Variants in GPATCH2L observed in about 807,000 individuals in gnomAD.
GPATCH2L encodes G-patch domain containing 2 like, also known as G patch domain-containing protein 2-like.
A neutral mutation model predicts 57.4 loss-of-function variants in GPATCH2L; 31 were observed. That is an observed-to-expected ratio of 0.54 (90% CI 0.41 to 0.73). The LOEUF (loss-of-function observed/expected upper bound fraction) is 0.73. Ranked by LOEUF, GPATCH2L falls within the 30% of genes least tolerant of loss-of-function variation. The probability of loss-of-function intolerance (pLI) is 0.00; values close to 1 mark genes in which losing one functional copy is unlikely to be tolerated. For missense variants in GPATCH2L, 481 were observed against 599.9 expected (o/e 0.80, Z 2.07); for synonymous variants, 199 against 210.7 (o/e 0.94, Z 0.48).
intron 1 of GPATCH2L, among the ~76,000 whole-genome samples, chr14:76,224,438 A>G (rs1181851598): frequency 6.6e-6 from 1 of 152,178 alleles, no homozygotes; most frequent in African/African-American, 2.4e-5. Context: ...TTAGCATCGT[A>G]AGGCAGAAAA....
At chr14:76,152,599 G>C in intron 1 of GPATCH2L, 1 of 451,198 alleles carries the variant, frequency 2.2e-6, no homozygotes, top group Non-Finnish European at 4.5e-6. Flanking sequence ...CTGGCCGCCG[G>C]GTCCTCTCGA....
intron 1 of GPATCH2L, among the ~76,000 whole-genome samples, chr14:76,219,580 C>T (rs539845739): frequency 7.2e-5 from 11 of 152,142 alleles, no homozygotes; most frequent in African/African-American, 1.7e-4. Context: ...TGTGAAATAA[C>T]GTATGTCAAC....
At chr14:76,224,378 C>G (rs2040527783) in intron 1 of GPATCH2L, among the ~76,000 whole-genome samples, 1 of 152,102 alleles carries the variant, frequency 6.6e-6, no homozygotes, top group African/African-American at 2.4e-5. Flanking sequence ...TGATGACTTT[C>G]AAGATATACG....
chr14:76,189,886 G>GT (rs2039901574), intron 8 of GPATCH2L, among the ~76,000 whole-genome samples: 1 of 151,976 alleles, frequency 6.6e-6, no homozygotes, highest in Non-Finnish European at 1.5e-5. Flanking sequence ...TCTATACCCA[G>GT]TTTTTTGAGG....
intron 8 of GPATCH2L, 80 bp from the exon 9 acceptor site, chr14:76,195,798 G>A: frequency 9.5e-7 from 1 of 1,055,078 alleles, no homozygotes; most frequent in Non-Finnish European, 1.5e-6. Flanking sequence ...ATAGGTTAAG[G>A]ATTTAATCTG....
intron 1 of GPATCH2L, among the ~76,000 whole-genome samples, chr14:76,219,348 A>G (rs1001248356): frequency 1.3e-5 from 2 of 152,234 alleles, no homozygotes; most frequent in Non-Finnish European, 2.9e-5. Context: ...GAAGCATACG[A>G]AAATGCTTAA....
At position 76,180,782 on chromosome 14, in the gene GPATCH2L, C is replaced by G. The variant is rs141971118; in HGVS notation, c.1126C>G (p.Leu376Val). The G allele has an allele frequency of 7.7e-5, 124 of 1,612,022 alleles. No homozygotes were observed. The highest frequency in any genetic ancestry group is 1.0e-4 in the Non-Finnish European group (121 of 1,178,180). ...CAHEFNPLSP[L>V]YSLDVLADAS... ...CCTGCAGTTCAATCCCCTGTCTCCC[C>G]TTTACTCCCTGGATGTTCTTGCCGA... is the stretch of plus-strand genomic sequence containing the variant. Residue 376 changes from leucine to valine, a missense_variant, in exon 8 of 10, where the codon CTT becomes GTT. Around this residue, in one of 3 missense-constraint regions of GPATCH2L, gnomAD observed 248 missense variants for 270.5 expected, o/e 0.92. Transcript: ENST00000261530.
chr14:76,182,282 G>A lies in GPATCH2L; in HGVS notation c.1193+1433G>A, dbSNP rs1033299796. Among the ~76,000 whole-genome samples, 4 of 151,190 alleles carry A rather than the reference G, an allele frequency of 2.6e-5. No individual in the cohort carries two copies. In the East Asian group the frequency reaches 5.9e-4, roughly 22 times the overall value. ...TGAGGCAGGAGAATGGCGTGAACCC[G>A]GGAGGCGGAGCTTGCAGTGAGCTGA... On this transcript the variant is annotated intron_variant, in intron 8 of 9. Transcript: ENST00000261530.
chr14:76,163,273 ATAAT>A (rs2038682224), intron 2 of GPATCH2L, among the ~76,000 whole-genome samples: 1 of 152,230 alleles, frequency 6.6e-6, no homozygotes. Flanking sequence ...AAGCAGCATA[ATAAT>A]TAATATAAAG....
At chr14:76,227,293 G>A (rs753069374) in intron 1 of GPATCH2L, among the ~76,000 whole-genome samples, 6 of 152,038 alleles carry the variant, frequency 3.9e-5, no homozygotes, top group African/African-American at 7.2e-5. Flanking sequence ...CCTCCTACAC[G>A]ATATCACTGG....
chr14:76,163,155 C>G lies in GPATCH2L; in HGVS notation c.663-3508C>G, dbSNP rs1023399139. On this transcript the variant is annotated intron_variant, in intron 2 of 9. Coordinates refer to ENST00000261530, the MANE Select transcript of GPATCH2L (RefSeq NM_017926.4). Reference sequence around the variant, plus strand: ...GCTTTAGGCATACACTACCCTGGCTCTGATGCTTACTTGCTGTGTGATCTT... The same window carrying G: ...GCTTTAGGCATACACTACCCTGGCTGTGATGCTTACTTGCTGTGTGATCTT... 8.5e-5 allele frequency among the ~76,000 whole-genome samples: 13 copies of G among 152,330 alleles called. 1 individual carries two copies. The East Asian group carries it at 2.5e-3, about 29-fold the overall frequency.
intron 1 of GPATCH2L, among the ~76,000 whole-genome samples, chr14:76,226,788 C>G (rs1447018775): frequency 1.3e-5 from 2 of 152,222 alleles, no homozygotes; most frequent in Non-Finnish European, 2.9e-5. Flanking sequence ...AAGTAAATCT[C>G]TCTTCTTTGT....
At chr14:76,221,145 AGAACTCTT>A (rs2040513367) in intron 1 of GPATCH2L, among the ~76,000 whole-genome samples, 1 of 152,018 alleles carries the variant, frequency 6.6e-6, no homozygotes, top group Non-Finnish European at 1.5e-5. Context: ...AACTGTAAAA[AGAACTCTT>A]AAAACTCAGC....
rs964567761 is a variant in GPATCH2L at position 76,206,679 on chromosome 14, G to T, written c.*4828G>T. 2 of 152,382 alleles carry T rather than the reference G, an allele frequency of 1.3e-5. No homozygotes were observed. The highest frequency in any genetic ancestry group is 2.4e-5 in the African/African-American group (1 of 41,426). 9.4% of individuals were successfully genotyped at this position (152,382 alleles called of 1,614,324 possible). A position where few individuals can be genotyped will look rare whatever the true frequency, so the allele number is the denominator to read the frequency against. On this transcript the variant is annotated 3_prime_UTR_variant, in exon 10 of 10. Transcript: ENST00000261530. ...TAGGCCAACAGCATCAGCACATCTTGCCCTCACCAGACCTACTGAATCCGA... is the reference window on the plus strand; with the variant it reads ...TAGGCCAACAGCATCAGCACATCTTTCCCTCACCAGACCTACTGAATCCGA...
rs548161558 is a variant in GPATCH2L, at chr14:76,233,019, C to G, written c.*117+3066C>G. ...AGGCACTCTTACCAGGCAGGACATC[C>G]CAAGGTCCAAAAGCTCACCTTCCTG... On this transcript the variant is annotated intron_variant and NMD_transcript_variant, in intron 2 of 3. Coordinates refer to the GPATCH2L transcript ENST00000556372. Among the ~76,000 whole-genome samples the G allele has an allele frequency of 4.5e-4, 68 of 152,320 alleles. 2 individuals are homozygous for G. In the South Asian group the frequency reaches 0.013, roughly 30 times the overall value.
intron 9 of GPATCH2L, among the ~76,000 whole-genome samples, chr14:76,200,211 T>C (rs934854372): frequency 6.6e-6 from 1 of 152,202 alleles, no homozygotes; most frequent in Non-Finnish European, 1.5e-5. Flanking sequence ...GTACAGAGTT[T>C]CCATTTGAGA....
intron 9 of GPATCH2L, among the ~76,000 whole-genome samples, chr14:76,197,856 T>C (rs1374443299): frequency 1.3e-5 from 2 of 152,168 alleles, no homozygotes; most frequent in Admixed American, 1.3e-4. Flanking sequence ...AAAGAATAAA[T>C]AGCTCAGATC....
chr14:76,163,139 A>G lies in GPATCH2L; in HGVS notation c.663-3524A>G, dbSNP rs529636480. 2.0e-5 allele frequency among the ~76,000 whole-genome samples: 3 copies of G among 152,312 alleles called. 1 individual carries two copies. Among genetic ancestry groups the G allele is most frequent in the East Asian group, 3.9e-4 (2 of 5,186 alleles). On this transcript the variant is annotated intron_variant, in intron 2 of 9. Transcript: ENST00000261530. ...TTCAGTGAACGCATGGGCTTTAGGC[A>G]TACACTACCCTGGCTCTGATGCTTA...
chr14:76,171,598 A>G (rs1456183683), intron 3 of GPATCH2L, among the ~76,000 whole-genome samples: 1 of 151,850 alleles, frequency 6.6e-6, no homozygotes, highest in Non-Finnish European at 1.5e-5. Context: ...AAATAAAAAA[A>G]TAGCCAGGCA....
Sources: gnomAD v4.1 joint callset for allele counts (sites outside exome capture counted in the v4.1 genomes callset) on GRCh38, gnomAD v4.1.1 for gene constraint, gnomAD v4.1.1 regional missense constraint, MANE v1.5 for transcripts, NCBI Gene and HGNC (gene_info 2026-07-23, HGNC 2026-07-21) for gene names.